RLN2: variants seen among roughly 807,000 people sequenced by gnomAD.
The protein encoded by RLN2 is prorelaxin H2.
In RLN2, 10 loss-of-function variants were observed where a neutral mutation model predicts 7.3. The observed-to-expected ratio is 1.36, with a 90% CI of 0.84 to 2.31. RLN2 has a LOEUF of 2.31. RLN2 is among the 30% of genes most tolerant of loss of function. The pLI is 0.00. For synonymous variants in RLN2, 103 were observed against 82.3 expected (o/e 1.25, Z -1.36); for missense variants, 298 against 217.6 (o/e 1.37, Z -2.32).
At chr9:5,316,498 G>A in the RLN2 span, among the ~76,000 whole-genome samples, 25 of 152,028 alleles carry the variant, frequency 1.6e-4, no homozygotes, top group East Asian at 4.8e-3. Flanking sequence ...GTGTCCATGT[G>A]TTCTCATTGT....
upstream of RLN2, chr9:5,304,974 A>C: frequency 5.2e-6 from 1 of 191,362 alleles, no homozygotes. Flanking sequence ...ATTTGAGATC[A>C]CCCATATTCT....
chr9:5,302,931 T>C (rs879274760), intron 1 of RLN2, among the ~76,000 whole-genome samples: 3 of 143,864 alleles, frequency 2.1e-5, no homozygotes, highest in Non-Finnish European at 3.0e-5. Context: ...CATTTTCTCA[T>C]AAAATTCACA....
chr9:5,307,260 A>AGGT (rs1415325476), upstream of RLN2, among the ~76,000 whole-genome samples: 1 of 116,164 alleles, frequency 8.6e-6, no homozygotes, highest in African/African-American at 3.4e-5. Flanking sequence ...GATGATAGAT[A>AGGT]GATAGATAGA....
chr9:5,307,379 GTCA>G (rs932195128), upstream of RLN2, among the ~76,000 whole-genome samples: 1 of 151,870 alleles, frequency 6.6e-6, no homozygotes, highest in Non-Finnish European at 1.5e-5. Context: ...TAAACTTACA[GTCA>G]TCAGTTTCCT....
upstream of RLN2, among the ~76,000 whole-genome samples, chr9:5,305,901 G>C (rs1816238923): frequency 6.6e-6 from 1 of 151,922 alleles, no homozygotes; most frequent in Non-Finnish European, 1.5e-5. Context: ...ACCTGACCAA[G>C]ACTATGAGAT....
At chr9:5,325,516 C>T in the RLN2 span, among the ~76,000 whole-genome samples, 1 of 151,974 alleles carries the variant, frequency 6.6e-6, no homozygotes, top group Non-Finnish European at 1.5e-5. Flanking sequence ...AGATTGTTAA[C>T]CTCTAGCACA....
chr9:5,318,007 C>CGT, the RLN2 span, among the ~76,000 whole-genome samples: 388 of 148,056 alleles, frequency 2.6e-3, 7 homozygotes, highest in African/African-American at 6.7e-3. Context: ...TGTGTGTGTG[C>CGT]GTGTGTGTGT....
upstream of RLN2, among the ~76,000 whole-genome samples, chr9:5,306,301 T>C (rs570120405): frequency 6.6e-6 from 1 of 151,852 alleles, no homozygotes; most frequent in African/African-American, 2.4e-5. Flanking sequence ...AGAGACTGGG[T>C]TTCACCATGT....
At chr9:5,335,575 G>A in the RLN2 span, 4 of 1,608,042 alleles carry the variant, frequency 2.5e-6, no homozygotes, top group African/African-American at 1.3e-5. Flanking sequence ...CTGTATCTTT[G>A]TTGATGAAGG....
At chr9:5,337,547 G>A in the RLN2 span, among the ~76,000 whole-genome samples, 2 of 151,864 alleles carry the variant, frequency 1.3e-5, no homozygotes, top group Admixed American at 6.6e-5. Flanking sequence ...TATTACTTTG[G>A]CACACATTGT....
intron 1 of RLN2, among the ~76,000 whole-genome samples, chr9:5,300,942 T>C (rs1816110913): frequency 6.6e-6 from 1 of 152,184 alleles, no homozygotes; most frequent in Non-Finnish European, 1.5e-5. Context: ...GAGGATAAAG[T>C]TAAAGAGGCA....
the RLN2 span, among the ~76,000 whole-genome samples, chr9:5,310,125 T>C: frequency 1.3e-5 from 2 of 151,908 alleles, no homozygotes; most frequent in Non-Finnish European, 2.9e-5. Flanking sequence ...ATATCTGTAT[T>C]GGACTAAGGT....
At chr9:5,329,632 T>G in the RLN2 span, among the ~76,000 whole-genome samples, 3 of 149,852 alleles carry the variant, frequency 2.0e-5, no homozygotes, top group African/African-American at 7.3e-5. Flanking sequence ...AAAACAGACT[T>G]TAAATCAACA....
In RLN2 at chr9:5,300,431, G is replaced by A; in HGVS notation, c.225C>T (p.Ser75=). The A allele has an allele frequency of 6.2e-7, 1 of 1,600,614 alleles. No individual in the cohort carries two copies. The highest frequency in any genetic ancestry group is 1.3e-5 in the African/African-American group (1 of 74,118). ...TPRPVAEIVP[S]FINKDTETIN... ...TGGTTTCTGTATCTTTGTTGATGAA[G>A]GATGGCACAATTTCTGTTAAATTTA... The change falls in exon 2 of 2, where the codon TCC becomes TCT. Residue 75 remains serine (S), a synonymous_variant. Transcript: ENST00000381627.
chr9:5,326,301 AT>A, the RLN2 span, among the ~76,000 whole-genome samples: 2 of 152,126 alleles, frequency 1.3e-5, no homozygotes, highest in African/African-American at 4.8e-5. Context: ...GCAGGAAACC[AT>A]TAACTCTTTT....
chr9:5,320,517 T>C, the RLN2 span, among the ~76,000 whole-genome samples: 236 of 151,324 alleles, frequency 1.6e-3, 4 homozygotes, highest in African/African-American at 5.3e-3. Context: ...ACGACAGGTG[T>C]GTACCACCAC....
At chr9:5,301,957 T>TC (rs1816155252) in intron 1 of RLN2, among the ~76,000 whole-genome samples, 1 of 152,192 alleles carries the variant, frequency 6.6e-6, no homozygotes, top group African/African-American at 2.4e-5. Flanking sequence ...TTTTGGCATT[T>TC]CCCCTCAGTA....
the RLN2 span, chr9:5,335,151 C>T: frequency 1.5e-6 from 1 of 648,152 alleles, no homozygotes; most frequent in Non-Finnish European, 2.5e-6. Context: ...ATAAAGATTT[C>T]TTATATTCTA....
At chr9:5,323,614 A>G in the RLN2 span, among the ~76,000 whole-genome samples, 597 of 152,120 alleles carry the variant, frequency 3.9e-3, 8 homozygotes, top group African/African-American at 0.013. Flanking sequence ...ACACAGCAAC[A>G]AACTATTACT....
Sources: gnomAD v4.1 joint callset for allele counts (sites outside exome capture counted in the v4.1 genomes callset) on GRCh38, gnomAD v4.1.1 for gene constraint, MANE v1.5 for transcripts, NCBI Gene and HGNC (gene_info 2026-07-23, HGNC 2026-07-21) for gene names.